The following WDR41 variants were observed in gnomAD, a reference collection of about 807,000 sequenced individuals.
WDR41 encodes WD repeat-containing protein 41.
In WDR41, 63 loss-of-function variants were observed where a neutral mutation model predicts 69.3. The observed-to-expected ratio is 0.91, with a 90% CI of 0.74 to 1.12. WDR41 has a LOEUF of 1.12. Ranked by LOEUF, WDR41 falls within the 50% of genes most tolerant of loss-of-function variation. The probability of loss-of-function intolerance (pLI) is 0.00; values close to 1 mark genes in which losing one functional copy is unlikely to be tolerated. For synonymous variants in WDR41, 185 were observed against 192.1 expected, an observed-to-expected ratio of 0.96 and a Z score of 0.31; for missense variants, 543 against 534.5, an observed-to-expected ratio of 1.02 and a Z score of -0.16.
rs780006028 is a variant in WDR41, at chr5:77,454,528, AC to A, written c.412-601del. 5.3e-5 allele frequency among the ~76,000 whole-genome samples: 8 copies of A among 152,344 alleles called. No individual in the cohort carries two copies. The South Asian group carries it at 8.3e-4, about 16-fold the overall frequency. The stretch of plus-strand genomic sequence containing the variant: ...CTTTTTAAATCAAATTGAAACTATG[AC>A]CTTAGTTTCTCTGTATCTTTAGAAT... On this transcript the variant is annotated intron_variant, in intron 5 of 12. Transcript: ENST00000296679.
At chr5:77,538,533 C>T (rs1317379348) in intron 1 of WDR41, among the ~76,000 whole-genome samples, 1 of 152,170 alleles carries the variant, frequency 6.6e-6, no homozygotes, top group Admixed American at 6.5e-5. Context: ...TTGGCTCCTA[C>T]TTATAAGTGA....
chr5:77,530,236 C>T (rs1802507619), intron 1 of WDR41, among the ~76,000 whole-genome samples: 1 of 151,508 alleles, frequency 6.6e-6, no homozygotes, highest in African/African-American at 2.4e-5. Flanking sequence ...GAAAATGGTA[C>T]CCCTATCCTA....
At chr5:77,522,966 A>G (rs952759597) in intron 1 of WDR41, among the ~76,000 whole-genome samples, 1 of 152,170 alleles carries the variant, frequency 6.6e-6, no homozygotes, top group Non-Finnish European at 1.5e-5. Flanking sequence ...CAACTGTAAA[A>G]GTCACCAAAG....
chr5:77,442,826 A>G (rs909894408), intron 8 of WDR41, among the ~76,000 whole-genome samples: 1 of 138,264 alleles, frequency 7.2e-6, no homozygotes, highest in Non-Finnish European at 1.5e-5. Context: ...CGGGAGGCGG[A>G]GCTTGCAGTA....
chr5:77,467,502 T>C (rs1800356863), intron 2 of WDR41, among the ~76,000 whole-genome samples: 1 of 152,040 alleles, frequency 6.6e-6, no homozygotes, highest in African/African-American at 2.4e-5. Flanking sequence ...GAAAACATAC[T>C]GCCAATTACA....
chr5:77,611,303 G>A (rs889871563), intron 1 of WDR41, among the ~76,000 whole-genome samples: 1 of 152,170 alleles, frequency 6.6e-6, no homozygotes, highest in Non-Finnish European at 1.5e-5. Context: ...GCACCAAGCA[G>A]ATCTAATAGA....
At chr5:77,460,904 A>G (rs1308340065) in intron 4 of WDR41, among the ~76,000 whole-genome samples, 2 of 152,120 alleles carry the variant, frequency 1.3e-5, no homozygotes, top group Non-Finnish European at 1.5e-5. Context: ...TGTAGTAAAA[A>G]CCCAAGCAGA....
At chr5:77,573,186 A>G (rs1274183048) in intron 1 of WDR41, among the ~76,000 whole-genome samples, 3 of 152,156 alleles carry the variant, frequency 2.0e-5, no homozygotes, top group Admixed American at 2.0e-4. Flanking sequence ...AACTAATGGT[A>G]TATTAAGAGA....
chr5:77,472,720 G>T (rs1242725269), intron 2 of WDR41, among the ~76,000 whole-genome samples: 1 of 152,014 alleles, frequency 6.6e-6, no homozygotes, highest in Non-Finnish European at 1.5e-5. Flanking sequence ...CAAGGGATGG[G>T]AAGGACCTCT....
At position 77,512,331 on chromosome 5, in the gene WDR41, T is replaced by TGAGAGAGAGAGAAAGAGAGA. The variant is rs59306558; in HGVS notation, c.43-22760_43-22759insTCTCTCTTTCTCTCTCTCTC. The stretch of plus-strand genomic sequence containing the variant: ...ATGGTCTGTAATTACATGGGGTGAG[T>TGAGAGAGAGAGAAAGAGAGA]GAGAGAGAGAGAGAGAGAGAGTGAG... On this transcript the variant is annotated intron_variant, in intron 1 of 5. Coordinates refer to the WDR41 transcript ENST00000509971. 8.5e-3 allele frequency among the ~76,000 whole-genome samples: 740 copies of TGAGAGAGAGAGAAAGAGAGA among 87,534 alleles called. 10 individuals carry two copies. Among genetic ancestry groups the TGAGAGAGAGAGAAAGAGAGA allele is most frequent in the Middle Eastern group, 0.012 (2 of 162 alleles). 57.4% of individuals were successfully genotyped at this position (87,534 alleles called of 152,430 possible). A position where few individuals can be genotyped will look rare whatever the true frequency, so the allele number is the denominator to read the frequency against.
intron 7 of WDR41, among the ~76,000 whole-genome samples, chr5:77,450,209 C>T (rs1054950687): frequency 2.6e-5 from 4 of 152,288 alleles, no homozygotes; most frequent in East Asian, 3.9e-4. Context: ...GCCCACATCC[C>T]TCAATCACCT....
chr5:77,469,598 T>C (rs867674492), intron 2 of WDR41, among the ~76,000 whole-genome samples: 2 of 152,310 alleles, frequency 1.3e-5, no homozygotes, highest in East Asian at 1.9e-4. Context: ...GTGTGTGTGA[T>C]GTTAACACCC....
At chr5:77,475,384 A>C (rs1449135477) in intron 2 of WDR41, among the ~76,000 whole-genome samples, 1 of 152,182 alleles carries the variant, frequency 6.6e-6, no homozygotes, top group Non-Finnish European at 1.5e-5. Flanking sequence ...AGACAAACAA[A>C]AAGACAGCAG....
chr5:77,508,615 G>A (rs1468782621), intron 1 of WDR41, among the ~76,000 whole-genome samples: 4 of 151,884 alleles, frequency 2.6e-5, no homozygotes, highest in African/African-American at 9.7e-5. Context: ...CTTGTGTATG[G>A]GTCACACCTT....
chr5:77,451,264 C>T, intron 7 of WDR41, 27 bp downstream of exon 7: 1 of 1,611,400 alleles, frequency 6.2e-7, no homozygotes, highest in Non-Finnish European at 8.5e-7. Context: ...GTTCAAAATA[C>T]ACAAAAAGAA....
At chr5:77,453,532 G>T (rs188127829) in intron 6 of WDR41, among the ~76,000 whole-genome samples, 1 of 152,156 alleles carries the variant, frequency 6.6e-6, no homozygotes, top group African/African-American at 2.4e-5. Flanking sequence ...AAAGTCGTAA[G>T]GGTCTGCTTC....
At chr5:77,484,742 A>C (rs140650557) in intron 2 of WDR41, among the ~76,000 whole-genome samples, 2,807 of 152,334 alleles carry the variant, frequency 0.018, 63 homozygotes, top group African/African-American at 0.055. Flanking sequence ...AGACCAACTT[A>C]CAACTATGGA....
chr5:77,619,231 C>T lies in WDR41; in HGVS notation c.42+1248G>A, dbSNP rs140653552. Among the ~76,000 whole-genome samples, 10 of 152,248 alleles carry T rather than the reference C, an allele frequency of 6.6e-5. No individual in the cohort carries two copies. The East Asian group carries it at 1.3e-3, about 21-fold the overall frequency. ...CTTTTCTGGTACCTAAAGTCAAAGT[C>T]GATATTGCATTTCCCTCACAGCATT... On this transcript the variant is annotated intron_variant, in intron 1 of 5. Transcript: ENST00000509971.
chr5:77,511,570 C>G (rs1400763551), intron 1 of WDR41, among the ~76,000 whole-genome samples: 1 of 152,042 alleles, frequency 6.6e-6, no homozygotes, highest in Non-Finnish European at 1.5e-5. Flanking sequence ...GATCTGTGAA[C>G]AACACAGGCA....
Sources: gnomAD v4.1 joint callset for allele counts (sites outside exome capture counted in the v4.1 genomes callset) on GRCh38, gnomAD v4.1.1 for gene constraint, MANE v1.5 for transcripts, NCBI Gene and HGNC (gene_info 2026-07-23, HGNC 2026-07-21) for gene names.